CCR3: variants seen among roughly 807,000 people sequenced by gnomAD.
The protein encoded by CCR3 is C-C chemokine receptor type 3.
For synonymous variants in CCR3, 203 were observed against 179.2 expected (o/e 1.13, Z -1.06); for missense variants, 419 against 437.5 (o/e 0.96, Z 0.38).
chr3:46,229,080 C>A (rs954077094), intron 2 of CCR3, among the ~76,000 whole-genome samples: 2 of 152,182 alleles, frequency 1.3e-5, no homozygotes, highest in African/African-American at 4.8e-5. Flanking sequence ...TATTTCCAGT[C>A]TCTCTTGCAT....
At chr3:46,231,337 T>C (rs1699964320) in intron 2 of CCR3, among the ~76,000 whole-genome samples, 1 of 152,244 alleles carries the variant, frequency 6.6e-6, no homozygotes, top group South Asian at 2.1e-4. Context: ...CTGAGAATCC[T>C]GATCGCCACT....
intron 2 of CCR3, among the ~76,000 whole-genome samples, chr3:46,229,439 C>T (rs1461277118): frequency 1.3e-5 from 2 of 152,170 alleles, no homozygotes; most frequent in East Asian, 3.9e-4. Context: ...AAGTGGGATG[C>T]TGACATACAA....
Position 46,242,463 on chromosome 3 carries a change from A to G in CCR3, c.-87A>G, listed in dbSNP as rs202049145. On this transcript the variant is annotated 5_prime_UTR_variant, in exon 1 of 2. Transcript: ENST00000395940. ...GGACTTCACTAAATTAGCAGGTACCACTGGTCTTCTTGTGCTTATCCGGGC... is the reference window on the plus strand; with the variant it reads ...GGACTTCACTAAATTAGCAGGTACCGCTGGTCTTCTTGTGCTTATCCGGGC... 8 of 152,154 alleles carry G rather than the reference A, an allele frequency of 5.3e-5. No homozygotes were observed. Among genetic ancestry groups the G allele is most frequent in the African/African-American group, 1.9e-4 (8 of 41,428 alleles). The allele number at this position is 152,154 out of a possible 1,614,324, so 9.4% of individuals were successfully genotyped here.
At chr3:46,244,807 T>A in intron 1 of CCR3, among the ~76,000 whole-genome samples, 1 of 152,128 alleles carries the variant, frequency 6.6e-6, no homozygotes. Context: ...TGGCTTGGGC[T>A]CAGAGGCCTG....
chr3:46,246,365 GA>G (rs1700190154), intron 1 of CCR3, among the ~76,000 whole-genome samples: 1 of 152,132 alleles, frequency 6.6e-6, no homozygotes, highest in Non-Finnish European at 1.5e-5. Flanking sequence ...GGCTGAGTCC[GA>G]AAAGAGAGTC....
intron 2 of CCR3, among the ~76,000 whole-genome samples, chr3:46,231,402 G>A (rs1699965108): frequency 6.6e-6 from 1 of 152,214 alleles, no homozygotes; most frequent in Non-Finnish European, 1.5e-5. Flanking sequence ...ACAAAGCAGA[G>A]ATTACATCTT....
exon 2 of CCR3, chr3:46,210,739 T>A (rs570435969): frequency 6.6e-6 from 1 of 152,426 alleles, no homozygotes; most frequent in East Asian, 1.9e-4. Context: ...ATTCAACTGC[T>A]GGGCCTTGTC....
At chr3:46,246,700 C>G (rs1424585491) in intron 1 of CCR3, among the ~76,000 whole-genome samples, 4 of 151,352 alleles carry the variant, frequency 2.6e-5, no homozygotes, top group Non-Finnish European at 5.9e-5. Flanking sequence ...GATGGGATAG[C>G]TTGGCTTGGG....
At chr3:46,257,741 G>C (rs1348879734) in intron 1 of CCR3, among the ~76,000 whole-genome samples, 1 of 152,108 alleles carries the variant, frequency 6.6e-6, no homozygotes, top group African/African-American at 2.4e-5. Flanking sequence ...GATTTATTAG[G>C]ATAATTGGCT....
chr3:46,266,122 A>G lies in CCR3; in HGVS notation c.964A>G (p.Met322Val), dbSNP rs1314419556. ...LRHFFHRHLL[M>V]HLGRYIPFLP... ...CCACTTCTTCCACAGGCACTTGCTC[A>G]TGCACCTGGGCAGATACATCCCATT... is the stretch of plus-strand genomic sequence containing the variant. The change falls in exon 2 of 2, where the codon ATG (methionine) becomes GTG (valine). Residue 322 changes from methionine (M) to valine (V), a missense_variant. By Grantham distance (21) the Met-to-Val change is conservative. Coordinates refer to ENST00000395940, the MANE Select transcript of CCR3 (RefSeq NM_178329.3). 1.9e-6 allele frequency: 3 copies of G among 1,614,064 alleles called. No homozygotes were observed. Among genetic ancestry groups the G allele is most frequent in the East Asian group, 2.2e-5 (1 of 44,866 alleles).
chr3:46,244,673 A>G (rs1700158482), intron 1 of CCR3, among the ~76,000 whole-genome samples: 1 of 152,288 alleles, frequency 6.6e-6, no homozygotes. Flanking sequence ...AGCCATTTTC[A>G]CTTCTTTTGT....
intron 1 of CCR3, among the ~76,000 whole-genome samples, chr3:46,251,205 G>C (rs1321538605): frequency 2.0e-5 from 3 of 152,154 alleles, no homozygotes; most frequent in Non-Finnish European, 4.4e-5. Context: ...TGACACCCTT[G>C]AAACGTGGGT....
At chr3:46,238,135 A>G (rs1700041606), upstream of CCR3, among the ~76,000 whole-genome samples, 1 of 152,222 alleles carries the variant, frequency 6.6e-6, no homozygotes, top group Non-Finnish European at 1.5e-5. Flanking sequence ...TTTGAATTAT[A>G]ATGCGTTGTA....
At chr3:46,237,188 G>A (rs1700034165) in intron 2 of CCR3, among the ~76,000 whole-genome samples, 1 of 152,200 alleles carries the variant, frequency 6.6e-6, no homozygotes, top group African/African-American at 2.4e-5. Context: ...CGGTGGTGCA[G>A]TATCCCTTTG....
At chr3:46,246,154 G>A (rs1312228261) in intron 1 of CCR3, among the ~76,000 whole-genome samples, 1 of 152,128 alleles carries the variant, frequency 6.6e-6, no homozygotes, top group East Asian at 1.9e-4. Flanking sequence ...GCAAAGCAGA[G>A]TAAAAATTAT....
Position 46,265,407 on chromosome 3 carries a change from C to A in CCR3, c.249C>A (p.Phe83Leu), listed in dbSNP as rs774437865. The change falls in exon 2 of 2, where the codon TTC (phenylalanine) becomes TTA (leucine). Residue 83 changes from phenylalanine (F) to leucine (L), a missense_variant. Physicochemically the swap from Phe to Leu is conservative, Grantham distance 22 (BLOSUM62 0). Coordinates refer to ENST00000395940, the MANE Select transcript of CCR3 (RefSeq NM_178329.3). Reference protein sequence around the residue: ...LLNLAISDLLFLVTLPFWIHY... With the variant: ...LLNLAISDLLLLVTLPFWIHY... Reference sequence around the variant, plus strand: ...ACCTGGCCATTTCGGACCTGCTCTTCCTCGTCACCCTTCCATTCTGGATCC... The same window carrying A: ...ACCTGGCCATTTCGGACCTGCTCTTACTCGTCACCCTTCCATTCTGGATCC... The A allele has an allele frequency of 1.9e-6, 3 of 1,614,078 alleles. No homozygotes were observed. In the East Asian group the frequency reaches 6.7e-5, roughly 36 times the overall value.
At chr3:46,263,699 C>T (rs1700567507) in intron 1 of CCR3, 1 of 152,224 alleles carries the variant, frequency 6.6e-6, no homozygotes, top group African/African-American at 2.4e-5. Context: ...ATCACAACCC[C>T]AAGTGACCCA....
At chr3:46,211,197 CTTT>C (rs757345795) in intron 2 of CCR3, among the ~76,000 whole-genome samples, 17 of 128,550 alleles carry the variant, frequency 1.3e-4, no homozygotes, top group South Asian at 4.9e-4. Flanking sequence ...TGAGAATTTA[CTTT>C]TTTTTTTTTT....
At chr3:46,256,886 C>A (rs13325552) in intron 1 of CCR3, among the ~76,000 whole-genome samples, 1 of 152,058 alleles carries the variant, frequency 6.6e-6, no homozygotes, top group East Asian at 1.9e-4. Context: ...GAAATTGTAT[C>A]TTTCACAAAC....
Sources: allele counts gnomAD v4.1 joint callset (sites outside exome capture counted in the v4.1 genomes callset), GRCh38; gene constraint gnomAD v4.1.1; transcripts MANE v1.5; gene names NCBI Gene and HGNC (gene_info 2026-07-23, HGNC 2026-07-21).